SOX6: variants seen among roughly 807,000 people sequenced by gnomAD.
The protein encoded by SOX6 is SRY-box transcription factor 6.
Under a neutral mutation model 97.8 loss-of-function variants are expected in SOX6, and 11 were observed. That is an observed-to-expected ratio of 0.11 (90% CI 0.07 to 0.19). The LOEUF (loss-of-function observed/expected upper bound fraction) is 0.19. Ranked by LOEUF, SOX6 falls within the 10% of genes least tolerant of loss-of-function variation. The pLI is 1.00. For missense variants in SOX6, 810 were observed against 1,039.5 expected (o/e 0.78, Z 3.04); for synonymous variants, 360 against 371.4 (o/e 0.97, Z 0.35).
intron 12 of SOX6, among the ~76,000 whole-genome samples, chr11:16,035,533 T>TA (rs1001240920): frequency 1.3e-5 from 2 of 152,192 alleles, no homozygotes; most frequent in African/African-American, 4.8e-5. Flanking sequence ...AAGAAAAAGT[T>TA]AAAGTATTAT....
At chr11:16,259,457 A>G (rs1853804222) in intron 3 of SOX6, among the ~76,000 whole-genome samples, 1 of 152,114 alleles carries the variant, frequency 6.6e-6, no homozygotes, top group South Asian at 2.1e-4. Flanking sequence ...TGTAAACACA[A>G]AGGCCCATAA....
At chr11:16,616,942 T>G (rs1590011822) in intron 3 of SOX6, among the ~76,000 whole-genome samples, 1 of 152,048 alleles carries the variant, frequency 6.6e-6, no homozygotes, top group East Asian at 1.9e-4. Flanking sequence ...AGACTGAAAC[T>G]GTATTTCAAG....
intron 2 of SOX6, among the ~76,000 whole-genome samples, chr11:16,727,183 A>G (rs910894992): frequency 6.6e-5 from 10 of 151,402 alleles, no homozygotes; most frequent in Non-Finnish European, 1.3e-4. Context: ...GGTTTCTTGG[A>G]TATTTTTGGG....
chr11:16,168,947 C>A (rs1469938096), intron 6 of SOX6, among the ~76,000 whole-genome samples: 1 of 152,152 alleles, frequency 6.6e-6, no homozygotes, highest in Non-Finnish European at 1.5e-5. Flanking sequence ...ATGCCACACA[C>A]AGCTACCATG....
chr11:16,690,190 G>T (rs573913930), intron 3 of SOX6, among the ~76,000 whole-genome samples: 17 of 152,186 alleles, frequency 1.1e-4, no homozygotes, highest in Admixed American at 9.8e-4. Context: ...CTGAGCCAAG[G>T]TGTGAGCCAC....
intron 4 of SOX6, among the ~76,000 whole-genome samples, chr11:16,202,106 C>T (rs1453627153): frequency 1.3e-5 from 2 of 151,808 alleles, no homozygotes; most frequent in African/African-American, 4.8e-5. Context: ...CAGAAAAATG[C>T]CCATGTAAAA....
At chr11:16,734,558 T>C (rs1055883474) in intron 2 of SOX6, among the ~76,000 whole-genome samples, 1 of 152,154 alleles carries the variant, frequency 6.6e-6, no homozygotes, top group Non-Finnish European at 1.5e-5. Flanking sequence ...GTAAGCTTAG[T>C]TACTCTCCTT....
At chr11:16,699,166 T>C (rs979414989) in intron 3 of SOX6, among the ~76,000 whole-genome samples, 3 of 152,256 alleles carry the variant, frequency 2.0e-5, no homozygotes, top group Admixed American at 6.5e-5. Flanking sequence ...TGAGGATTTA[T>C]ATGACAGGCA....
At chr11:16,020,627 C>T (rs928807960) in intron 12 of SOX6, among the ~76,000 whole-genome samples, 4 of 152,100 alleles carry the variant, frequency 2.6e-5, no homozygotes, top group East Asian at 1.9e-4. Flanking sequence ...GTTTCTCCTT[C>T]GCCAAATCCT....
chr11:16,073,103 C>T (rs934358195), intron 9 of SOX6, among the ~76,000 whole-genome samples: 2 of 152,082 alleles, frequency 1.3e-5, no homozygotes, highest in Non-Finnish European at 2.9e-5. Flanking sequence ...TCAATATTAA[C>T]TTTGAATGTA....
At chr11:16,377,867 T>C (rs1300106875) in intron 1 of SOX6, among the ~76,000 whole-genome samples, 1 of 152,178 alleles carries the variant, frequency 6.6e-6, no homozygotes, top group Non-Finnish European at 1.5e-5. Context: ...AAATTGGAAC[T>C]GCATCTTACC....
At chr11:16,039,403 T>C (rs748063841) in intron 12 of SOX6, among the ~76,000 whole-genome samples, 2 of 152,094 alleles carry the variant, frequency 1.3e-5, no homozygotes, top group Admixed American at 6.6e-5. Context: ...AAACACATAA[T>C]GCAGGTGTAT....
chr11:16,234,065 T>C (rs1462839111), intron 4 of SOX6, among the ~76,000 whole-genome samples: 1 of 150,872 alleles, frequency 6.6e-6, no homozygotes, highest in East Asian at 1.9e-4. Context: ...CTTCAGTGGC[T>C]TGTCCAAAGT....
chr11:16,704,692 A>G (rs1463265128), intron 3 of SOX6, among the ~76,000 whole-genome samples: 1 of 152,222 alleles, frequency 6.6e-6, no homozygotes, highest in Non-Finnish European at 1.5e-5. Context: ...GTCCAAATTC[A>G]ATTTTATAAA....
intron 1 of SOX6, among the ~76,000 whole-genome samples, chr11:16,381,296 C>G (rs1414427818): frequency 1.3e-5 from 2 of 152,000 alleles, no homozygotes; most frequent in South Asian, 4.1e-4. Flanking sequence ...AGAAAAAGAA[C>G]TGGGGACCAA....
chr11:16,545,936 A>G (rs952566104), intron 4 of SOX6, among the ~76,000 whole-genome samples: 1 of 152,176 alleles, frequency 6.6e-6, no homozygotes, highest in African/African-American at 2.4e-5. Context: ...TGGGTGACAC[A>G]GCAGGACTTT....
At chr11:16,723,703 G>A (rs1397256826) in intron 2 of SOX6, among the ~76,000 whole-genome samples, 1 of 151,990 alleles carries the variant, frequency 6.6e-6, no homozygotes, top group Admixed American at 6.6e-5. Context: ...CCAGCTACTT[G>A]AACCTGGGAG....
In SOX6 at chr11:16,132,311, G is replaced by A. The variant is rs373587485; in HGVS notation, c.778-20388C>T. 3.4e-3 allele frequency among the ~76,000 whole-genome samples: 384 copies of A among 113,250 alleles called. 12 individuals carry two copies. Among genetic ancestry groups the A allele is most frequent in the Middle Eastern group, 0.021 (5 of 234 alleles). 74.3% of individuals were successfully genotyped at this position (113,250 alleles called of 152,430 possible). On this transcript the variant is annotated intron_variant, in intron 6 of 15. Transcript: ENST00000683767. ...GGAAGGAAGGAAGGAAGGAAGGAAG[G>A]AAGGAAGGAAGGAAGGAAGGAAAGA...
At chr11:16,022,224 C>T (rs140007181) in intron 12 of SOX6, among the ~76,000 whole-genome samples, 9 of 152,226 alleles carry the variant, frequency 5.9e-5, no homozygotes, top group South Asian at 2.1e-4. Context: ...AGCTAAACTA[C>T]GATGACAGTG....
Sources: allele counts gnomAD v4.1 joint callset (sites outside exome capture counted in the v4.1 genomes callset), GRCh38; gene constraint gnomAD v4.1.1; transcripts MANE v1.5; gene names NCBI Gene and HGNC (gene_info 2026-07-23, HGNC 2026-07-21).